Variants in SLC22A23 observed in about 807,000 individuals in gnomAD.
SLC22A23 encodes the protein ion transporter protein.
A neutral mutation model predicts 61.0 loss-of-function variants in SLC22A23; 26 were observed. The observed-to-expected ratio is 0.43, with a 90% CI of 0.31 to 0.59. The LOEUF (loss-of-function observed/expected upper bound fraction) is 0.59. Among genes scored for constraint, SLC22A23 ranks in the 20% least tolerant of loss-of-function variants. The pLI is 0.11. For missense variants in SLC22A23, 796 were observed against 934.7 expected, an observed-to-expected ratio of 0.85 and a Z score of 1.94; for synonymous variants, 430 against 413.9, an observed-to-expected ratio of 1.04 and a Z score of -0.47.
rs376123493 is a variant in SLC22A23, at chr6:3,324,051, C to A, written c.914-49G>T. On this transcript the variant is annotated intron_variant, in intron 3 of 9. Transcript: ENST00000406686. The surrounding 1 kb of genome is among the most constrained non-coding windows in gnomAD (Gnocchi z 4.3). ...AGAGATGAGTGCCCTGCTCGACAGC[C>A]CGAGAAGTCCTGGGTGCACCTGGGC... 59 of 1,595,398 alleles carry A rather than the reference C, an allele frequency of 3.7e-5. No individual in the cohort carries two copies. The highest frequency in any genetic ancestry group is 4.6e-5 in the Non-Finnish European group (54 of 1,167,056).
At chr6:3,420,184 G>A (rs974815350) in intron 1 of SLC22A23, among the ~76,000 whole-genome samples, 6 of 149,838 alleles carry the variant, frequency 4.0e-5, no homozygotes, top group Non-Finnish European at 7.4e-5. Context: ...ACTCCAGAGT[G>A]TGTCTACATT....
At chr6:3,296,577 T>C (rs58317549) in intron 5 of SLC22A23, among the ~76,000 whole-genome samples, 3,306 of 152,290 alleles carry the variant, frequency 0.022, 120 homozygotes, top group African/African-American at 0.072. Flanking sequence ...GTGAGTGTCA[T>C]CGTGTTTCTC....
At chr6:3,305,475 T>C (rs1443528492) in intron 4 of SLC22A23, among the ~76,000 whole-genome samples, 6 of 152,184 alleles carry the variant, frequency 3.9e-5, no homozygotes, top group Admixed American at 3.9e-4. Context: ...TGAATTTAAA[T>C]TTGCTGCAAA....
rs182683582 is a variant in SLC22A23, at chr6:3,332,397, G to C, written c.914-8395C>G. 6.0e-4 allele frequency among the ~76,000 whole-genome samples: 92 copies of C among 152,148 alleles called. 1 individual carries two copies. The highest frequency in any genetic ancestry group is 2.1e-3 in the African/African-American group (89 of 41,462). On this transcript the variant is annotated intron_variant, in intron 3 of 9. Coordinates refer to ENST00000406686, the MANE Select transcript of SLC22A23 (RefSeq NM_015482.2). Reference sequence around the variant, plus strand: ...CTCTTTGGCATAATACTTCTAAATAGAGAAGAATTATTAGCAACTTAGTCT... The same window carrying C: ...CTCTTTGGCATAATACTTCTAAATACAGAAGAATTATTAGCAACTTAGTCT...
At position 3,303,581 on chromosome 6, in the gene SLC22A23, G is replaced by A. The variant is rs62392933; in HGVS notation, c.1083-5363C>T. ...ATGGAACTGAAAGACATTATGTTAC[G>A]AGAAATAAGCCAGGTACAGAAAATT... On this transcript the variant is annotated intron_variant, in intron 4 of 9. Coordinates refer to ENST00000406686, the MANE Select transcript of SLC22A23 (RefSeq NM_015482.2). Among the ~76,000 whole-genome samples the A allele has an allele frequency of 9.2e-3, 1,402 of 152,300 alleles. 9 individuals are homozygous for A. Among genetic ancestry groups the A allele is most frequent in the Non-Finnish European group, 0.012 (846 of 68,030 alleles).
rs187564048 is a variant in SLC22A23, at chr6:3,271,751, C to T, written c.*1304G>A. The T allele has an allele frequency of 0.011, 1,606 of 151,568 alleles. 15 individuals are homozygous for T. The highest frequency in any genetic ancestry group is 0.017 in the Non-Finnish European group (1,159 of 68,018). The allele number at this position is 151,568 out of a possible 1,614,324, so 9.4% of individuals were successfully genotyped here. A position where few individuals can be genotyped will look rare whatever the true frequency, so the allele number is the denominator to read the frequency against. Reference sequence around the variant, plus strand: ...GTCCTACAAGTTTCCTCCGAAAATGCCAAGAGGAAACCTCCACTTTCTGGG... The same window carrying T: ...GTCCTACAAGTTTCCTCCGAAAATGTCAAGAGGAAACCTCCACTTTCTGGG... On this transcript the variant is annotated 3_prime_UTR_variant, in exon 10 of 10. Transcript: ENST00000406686.
chr6:3,286,851 C>A lies in SLC22A23; in HGVS notation c.1546+8G>T. On this transcript the variant is annotated splice_region_variant and intron_variant, in intron 7 of 9. Coordinates refer to ENST00000406686, the MANE Select transcript of SLC22A23 (RefSeq NM_015482.2). This position sits in a 1 kb window ranked among gnomAD's most constrained non-coding sequence, Gnocchi z 4.2. ...CCTGCACCCAGCCCACCTCCCCGACCCACTCACGGTTGAGGAGGCCGAGCT... is the reference window on the plus strand; with the variant it reads ...CCTGCACCCAGCCCACCTCCCCGACACACTCACGGTTGAGGAGGCCGAGCT... 1 of 1,583,866 alleles carries A rather than the reference C, an allele frequency of 6.3e-7. No individual in the cohort carries two copies. Among genetic ancestry groups the A allele is most frequent in the African/African-American group, 1.3e-5 (1 of 74,180 alleles).
Position 3,390,935 on chromosome 6 carries a change from G to A in SLC22A23, c.913+19253C>T, listed in dbSNP as rs1452346862. 2.0e-5 allele frequency among the ~76,000 whole-genome samples: 3 copies of A among 152,270 alleles called. No individual in the cohort carries two copies. The highest frequency in any genetic ancestry group is 4.4e-5 in the Non-Finnish European group (3 of 68,026). On this transcript the variant is annotated intron_variant, in intron 3 of 9. Coordinates refer to ENST00000406686, the MANE Select transcript of SLC22A23 (RefSeq NM_015482.2). The surrounding 1 kb of genome is among the most constrained non-coding windows in gnomAD (Gnocchi z 4.0). The stretch of plus-strand genomic sequence containing the variant: ...TGTTGATGTTGGCGCCTCTTTTTCC[G>A]TGAATTTGGTCAACTGCCTGAATGG...
chr6:3,387,948 G>A lies in SLC22A23; in HGVS notation c.913+22240C>T, dbSNP rs1329068949. Among the ~76,000 whole-genome samples, 1 of 152,174 alleles carries A rather than the reference G, an allele frequency of 6.6e-6. No individual in the cohort carries two copies. The highest frequency in any genetic ancestry group is 2.4e-5 in the African/African-American group (1 of 41,438). The stretch of plus-strand genomic sequence containing the variant: ...TTTCGGTGGAATTCGTGCTGTTCCT[G>A]CTGCCTGAAAGAGAAGCCCAACAAG... On this transcript the variant is annotated intron_variant, in intron 3 of 9. Transcript: ENST00000406686. This position sits in a 1 kb window ranked among gnomAD's most constrained non-coding sequence, Gnocchi z 5.0.
chr6:3,406,046 G>GA (rs993516245), intron 3 of SLC22A23, among the ~76,000 whole-genome samples: 55 of 152,182 alleles, frequency 3.6e-4, no homozygotes, highest in African/African-American at 1.1e-3. Context: ...TTGTTGGGGG[G>GA]AAAAAACCCT....
At chr6:3,378,338 G>T (rs548603800) in intron 3 of SLC22A23, among the ~76,000 whole-genome samples, 1 of 152,240 alleles carries the variant, frequency 6.6e-6, no homozygotes, top group Admixed American at 6.5e-5. Flanking sequence ...GGAATAGAAG[G>T]GTGAAAGCAC....
intron 3 of SLC22A23, among the ~76,000 whole-genome samples, chr6:3,397,394 C>T (rs560949685): frequency 1.8e-4 from 27 of 152,230 alleles, no homozygotes; most frequent in African/African-American, 5.3e-4. Flanking sequence ...GGCTCCCTGG[C>T]GAGAGGGGCT....
At chr6:3,279,983 G>A (rs1759287126) in intron 9 of SLC22A23, among the ~76,000 whole-genome samples, 4 of 152,238 alleles carry the variant, frequency 2.6e-5, no homozygotes, top group Admixed American at 6.5e-5. Context: ...CCATGTGAAC[G>A]TTACCATCTC....
intron 3 of SLC22A23, among the ~76,000 whole-genome samples, chr6:3,368,958 CAG>C (rs1766023976): frequency 6.6e-6 from 1 of 152,108 alleles, no homozygotes; most frequent in Admixed American, 6.5e-5. Flanking sequence ...CAGAATTGCT[CAG>C]AGTGATGAGC....
At chr6:3,356,966 T>C (rs1046469065) in intron 3 of SLC22A23, among the ~76,000 whole-genome samples, 1 of 150,824 alleles carries the variant, frequency 6.6e-6, no homozygotes, top group Admixed American at 6.6e-5. Flanking sequence ...TCGTGGTTTG[T>C]TCTAAAGGCT....
chr6:3,298,786 C>A (rs927379035), intron 4 of SLC22A23, among the ~76,000 whole-genome samples: 2 of 151,848 alleles, frequency 1.3e-5, no homozygotes, highest in Non-Finnish European at 1.5e-5. Flanking sequence ...TCCTGGCTAA[C>A]AAGGTGAAAC....
At position 3,317,038 on chromosome 6, in the gene SLC22A23, C is replaced by A. The variant is rs1310839695; in HGVS notation, c.1082+6796G>T. Among the ~76,000 whole-genome samples, 1 of 152,184 alleles carries A rather than the reference C, an allele frequency of 6.6e-6. No individual in the cohort carries two copies. Among genetic ancestry groups the A allele is most frequent in the Non-Finnish European group, 1.5e-5 (1 of 68,030 alleles). ...TCACATCTCCACTATCTCCAGAAGT[C>A]CTTACTCCCTGTGACTTCTTCCAAG... On this transcript the variant is annotated intron_variant, in intron 4 of 9. Coordinates refer to ENST00000406686, the MANE Select transcript of SLC22A23 (RefSeq NM_015482.2). This position sits in a 1 kb window ranked among gnomAD's most constrained non-coding sequence, Gnocchi z 4.4.
Position 3,280,613 on chromosome 6 carries a change from A to G in SLC22A23, c.1703+3239T>C, listed in dbSNP as rs1051022009. Among the ~76,000 whole-genome samples, 122 of 146,166 alleles carry G rather than the reference A, an allele frequency of 8.3e-4. 1 individual carries two copies. The highest frequency in any genetic ancestry group is 3.0e-3 in the African/African-American group (118 of 39,250). On this transcript the variant is annotated intron_variant, in intron 9 of 9. Coordinates refer to ENST00000406686, the MANE Select transcript of SLC22A23 (RefSeq NM_015482.2). ...TGGGTTCACGCCATTCTCCTGCCTC[A>G]GCCTCCTGAGTAGCTGGGACTACAG...
Position 3,333,947 on chromosome 6 carries a change from G to A in SLC22A23, c.914-9945C>T, listed in dbSNP as rs892801852. ...CACTGAATCCTCCTCATAAGCGGAT[G>A]AGGTTGGGAATGGTGATGCTGCTGC... On this transcript the variant is annotated intron_variant, in intron 3 of 9. Transcript: ENST00000406686. The surrounding 1 kb of genome is among the most constrained non-coding windows in gnomAD (Gnocchi z 4.1). Among the ~76,000 whole-genome samples, 1 of 152,248 alleles carries A rather than the reference G, an allele frequency of 6.6e-6. No homozygotes were observed. The highest frequency in any genetic ancestry group is 1.5e-5 in the Non-Finnish European group (1 of 68,042).
Sources: allele counts gnomAD v4.1 joint callset (sites outside exome capture counted in the v4.1 genomes callset), GRCh38; gene constraint gnomAD v4.1.1; non-coding constraint Gnocchi (gnomAD v3.1); transcripts MANE v1.5; gene names NCBI Gene and HGNC (gene_info 2026-07-23, HGNC 2026-07-21).